The following ZMAT4 variants were observed in gnomAD, a reference collection of about 807,000 sequenced individuals.
The protein encoded by ZMAT4 is zinc finger matrin-type protein 4.
In ZMAT4, 17 loss-of-function variants were observed where a neutral mutation model predicts 28.7. The ratio of observed to expected loss-of-function variants is 0.59; its 90% CI spans 0.41 to 0.89. The LOEUF (loss-of-function observed/expected upper bound fraction) is 0.89. Ranked by LOEUF, ZMAT4 falls within the 40% of genes least tolerant of loss-of-function variation. ZMAT4 has a pLI of 0.00. For synonymous variants in ZMAT4, 117 were observed against 109.2 expected, an observed-to-expected ratio of 1.07 and a Z score of -0.44; for missense variants, 240 against 283.8, an observed-to-expected ratio of 0.85 and a Z score of 1.11.
intron 2 of ZMAT4, among the ~76,000 whole-genome samples, chr8:40,815,895 G>A (rs1473516918): frequency 6.6e-6 from 1 of 152,114 alleles, no homozygotes; most frequent in Non-Finnish European, 1.5e-5. Flanking sequence ...CAGCTTCACG[G>A]CAGCTCCCAA....
At chr8:40,672,734 T>C (rs4374978) in intron 5 of ZMAT4, among the ~76,000 whole-genome samples, 128,875 of 152,224 alleles carry the variant, frequency 0.85, 54,758 homozygotes, top group East Asian at 0.96. Context: ...ACTGCCCAGC[T>C]GGGAAGGAGT....
intron 2 of ZMAT4, among the ~76,000 whole-genome samples, chr8:40,817,384 T>A (rs944447975): frequency 3.9e-5 from 6 of 151,964 alleles, no homozygotes; most frequent in African/African-American, 1.2e-4. Flanking sequence ...GCCAGGAGAA[T>A]AATGGACAGG....
chr8:40,547,942 T>C (rs1803253157), intron 6 of ZMAT4, among the ~76,000 whole-genome samples: 1 of 152,076 alleles, frequency 6.6e-6, no homozygotes, highest in Admixed American at 6.5e-5. Flanking sequence ...AATTTGCAAT[T>C]TTAAGTAGGG....
chr8:40,842,422 T>C (rs1403044601), intron 1 of ZMAT4, among the ~76,000 whole-genome samples: 2 of 152,250 alleles, frequency 1.3e-5, no homozygotes, highest in African/African-American at 4.8e-5. Context: ...ACTCCAGTTA[T>C]CTTCCAGTTA....
intron 5 of ZMAT4, among the ~76,000 whole-genome samples, chr8:40,670,045 T>A (rs192085360): frequency 6.6e-6 from 1 of 152,342 alleles, no homozygotes; most frequent in African/African-American, 2.4e-5. Context: ...TTATGCAAGA[T>A]TGATTCTAAA....
chr8:40,539,152 G>T (rs1185296070), intron 6 of ZMAT4, among the ~76,000 whole-genome samples: 1 of 152,130 alleles, frequency 6.6e-6, no homozygotes, highest in Non-Finnish European at 1.5e-5. Context: ...AATATTTTAT[G>T]TACTGTCTGT....
chr8:40,749,742 T>C (rs1045955412), intron 3 of ZMAT4, among the ~76,000 whole-genome samples: 2 of 152,080 alleles, frequency 1.3e-5, no homozygotes, highest in African/African-American at 4.8e-5. Flanking sequence ...TTCTTAAAAA[T>C]AAAGAAATGC....
At chr8:40,838,291 C>T (rs1816571661) in intron 1 of ZMAT4, among the ~76,000 whole-genome samples, 2 of 152,322 alleles carry the variant, frequency 1.3e-5, no homozygotes, top group South Asian at 2.1e-4. Context: ...AAGTTCCTGG[C>T]TCTGGGGAAA....
chr8:40,642,982 T>C (rs760139001), intron 5 of ZMAT4, among the ~76,000 whole-genome samples: 7 of 152,210 alleles, frequency 4.6e-5, no homozygotes, highest in Non-Finnish European at 8.8e-5. Context: ...CTGTGTCAGA[T>C]TCTTCATGAG....
intron 3 of ZMAT4, among the ~76,000 whole-genome samples, chr8:40,708,023 A>T (rs550798762): frequency 1.3e-5 from 2 of 152,358 alleles, no homozygotes; most frequent in South Asian, 4.1e-4. Flanking sequence ...AGAACTAGAA[A>T]GGCAAATAAA....
chr8:40,789,915 C>T (rs1814251208), intron 2 of ZMAT4, among the ~76,000 whole-genome samples: 1 of 152,182 alleles, frequency 6.6e-6, no homozygotes, highest in African/African-American at 2.4e-5. Context: ...ATATTGCTCC[C>T]ACTTCCAACT....
intron 2 of ZMAT4, among the ~76,000 whole-genome samples, chr8:40,805,845 C>T (rs1040366914): frequency 4.6e-5 from 7 of 151,010 alleles, no homozygotes; most frequent in African/African-American, 1.5e-4. Flanking sequence ...TGCGAGATGA[C>T]GAGTTAGTGG....
intron 6 of ZMAT4, among the ~76,000 whole-genome samples, chr8:40,579,644 A>C (rs1804387463): frequency 6.6e-6 from 1 of 152,224 alleles, no homozygotes; most frequent in African/African-American, 2.4e-5. Flanking sequence ...TGTGATGTAC[A>C]TCTTTGCAAT....
chr8:40,572,690 A>G (rs566815516), intron 6 of ZMAT4, among the ~76,000 whole-genome samples: 3 of 152,292 alleles, frequency 2.0e-5, no homozygotes, highest in East Asian at 3.9e-4. Flanking sequence ...AAGTCTACTA[A>G]TAGGCAATTG....
At chr8:40,642,237 C>T (rs1474879826) in intron 5 of ZMAT4, among the ~76,000 whole-genome samples, 1 of 152,132 alleles carries the variant, frequency 6.6e-6, no homozygotes, top group African/African-American at 2.4e-5. Flanking sequence ...GGTACTTTAT[C>T]TGTTAAACTT....
intron 2 of ZMAT4, among the ~76,000 whole-genome samples, chr8:40,770,998 A>G (rs922364054): frequency 2.0e-5 from 3 of 152,190 alleles, no homozygotes; most frequent in Non-Finnish European, 4.4e-5. Context: ...CTACAACAAG[A>G]AAGTTAAAAT....
intron 2 of ZMAT4, among the ~76,000 whole-genome samples, chr8:40,801,494 C>A (rs1814846903): frequency 6.6e-6 from 1 of 151,016 alleles, no homozygotes; most frequent in South Asian, 2.1e-4. Flanking sequence ...ATGCTGAAAC[C>A]CTGTCTCTAC....
rs1813226967 is a variant in ZMAT4, at chr8:40,767,814, A to G, written c.103-84T>C. ...AACCTAGCCAGTGCCCGCAAATGCAAAAAGAAATGTATTTTCAGTAGAAGA... is the reference window on the plus strand; with the variant it reads ...AACCTAGCCAGTGCCCGCAAATGCAGAAAGAAATGTATTTTCAGTAGAAGA... On this transcript the variant is annotated intron_variant, in intron 2 of 6. Transcript: ENST00000297737. The G allele has an allele frequency of 2.8e-6, 3 of 1,086,726 alleles. No individual in the cohort carries two copies. In the South Asian group the frequency reaches 4.9e-5, roughly 18 times the overall value. The allele number at this position is 1,086,726 out of a possible 1,614,324, so 67.3% of individuals were successfully genotyped here.
At chr8:40,830,174 G>A (rs1269744679) in intron 1 of ZMAT4, among the ~76,000 whole-genome samples, 1 of 152,166 alleles carries the variant, frequency 6.6e-6, no homozygotes, top group Non-Finnish European at 1.5e-5. Context: ...TCATGGAAAA[G>A]AGTCATATTC....
Sources: gnomAD v4.1 joint callset for allele counts (sites outside exome capture counted in the v4.1 genomes callset) on GRCh38, gnomAD v4.1.1 for gene constraint, MANE v1.5 for transcripts, NCBI Gene and HGNC (gene_info 2026-07-23, HGNC 2026-07-21) for gene names.